Variants in SCFD2 observed in about 807,000 individuals in gnomAD.
SCFD2 encodes sec1 family domain-containing protein 2.
In SCFD2, 54 loss-of-function variants were observed where a neutral mutation model predicts 58.9. That is an observed-to-expected ratio of 0.92 (90% CI 0.74 to 1.15). The LOEUF (loss-of-function observed/expected upper bound fraction) is 1.15, where lower values mean the gene tolerates loss of function less well. Among genes scored for constraint, SCFD2 ranks in the 50% most tolerant of loss-of-function variants. SCFD2 has a pLI of 0.00. For synonymous variants in SCFD2, 321 were observed against 335.9 expected, an observed-to-expected ratio of 0.96 and a Z score of 0.49; for missense variants, 805 against 836.6, an observed-to-expected ratio of 0.96 and a Z score of 0.47.
chr4:52,884,540 C>T (rs776814649), intron 8 of SCFD2, among the ~76,000 whole-genome samples: 10 of 152,128 alleles, frequency 6.6e-5, no homozygotes, highest in Non-Finnish European at 1.2e-4. Context: ...GGCAGTGTGT[C>T]GTTTTGTGGC....
chr4:52,937,164 A>G (rs1720159061), intron 5 of SCFD2, among the ~76,000 whole-genome samples: 1 of 152,232 alleles, frequency 6.6e-6, no homozygotes, highest in Admixed American at 6.5e-5. Flanking sequence ...GGCAAACACT[A>G]CAGATACCTG....
At chr4:53,203,062 C>T (rs6844551) in intron 4 of SCFD2, among the ~76,000 whole-genome samples, 13,019 of 152,090 alleles carry the variant, frequency 0.086, 930 homozygotes, top group African/African-American at 0.18. Context: ...TCCAACACTA[C>T]GTTGAATAGG....
At chr4:53,073,312 T>A (rs1723876963) in intron 5 of SCFD2, among the ~76,000 whole-genome samples, 1 of 152,096 alleles carries the variant, frequency 6.6e-6, no homozygotes, top group South Asian at 2.1e-4. Flanking sequence ...CCATAGAAGG[T>A]CCTGGAACCA....
At position 53,307,808 on chromosome 4, in the gene SCFD2, G is replaced by A. The variant is rs140168424; in HGVS notation, c.1135+5828C>T. Among the ~76,000 whole-genome samples the A allele has an allele frequency of 5.1e-3, 775 of 152,270 alleles. 1 individual carries two copies. Among genetic ancestry groups the A allele is most frequent in the Non-Finnish European group, 8.4e-3 (572 of 68,008 alleles). Reference sequence around the variant, plus strand: ...CAGGTGTTAGAAGAACTGCACACTGGATTCAGCTGCTACCACAGGAAAAAC... The same window carrying A: ...CAGGTGTTAGAAGAACTGCACACTGAATTCAGCTGCTACCACAGGAAAAAC... On this transcript the variant is annotated intron_variant, in intron 3 of 8. Transcript: ENST00000401642.
At chr4:52,919,624 T>C (rs532261085) in intron 6 of SCFD2, among the ~76,000 whole-genome samples, 3 of 152,374 alleles carry the variant, frequency 2.0e-5, no homozygotes, top group African/African-American at 7.2e-5. Flanking sequence ...AGCAAAGATC[T>C]GGCATCTGCC....
intron 5 of SCFD2, among the ~76,000 whole-genome samples, chr4:53,134,635 T>C (rs1725886759): frequency 6.6e-6 from 1 of 152,248 alleles, no homozygotes; most frequent in South Asian, 2.1e-4. Context: ...TTATTTTATG[T>C]CAAAGTTTTG....
intron 5 of SCFD2, among the ~76,000 whole-genome samples, chr4:53,144,577 TG>T (rs1283962307): frequency 2.0e-5 from 3 of 148,898 alleles, no homozygotes; most frequent in African/African-American, 7.3e-5. Flanking sequence ...AAAACACTAC[TG>T]AAAATGGCAA....
chr4:53,101,343 C>T (rs192870632), intron 5 of SCFD2, among the ~76,000 whole-genome samples: 19 of 152,268 alleles, frequency 1.2e-4, no homozygotes, highest in Non-Finnish European at 7.4e-5. Context: ...CAAAGAGCAA[C>T]TCAGAGTTTT....
In SCFD2 at chr4:52,920,845, T is replaced by C. The variant is rs768655062; in HGVS notation, c.1587A>G (p.Thr529=). The C allele has an allele frequency of 6.2e-7, 1 of 1,611,368 alleles. No individual in the cohort carries two copies. The highest frequency in any genetic ancestry group is 1.3e-5 in the African/African-American group (1 of 74,740). ...ITDWDSSINL[T]FHKSKIAVDE... is the part of the protein sequence containing the mutation. Reference sequence around the variant, plus strand: ...CCACGGCAATTTTGGATTTGTGAAATGTCAGATTAATTGAAGAGTCCCAGT... The same window carrying C: ...CCACGGCAATTTTGGATTTGTGAAACGTCAGATTAATTGAAGAGTCCCAGT... Residue 529 remains threonine, a synonymous_variant, in exon 6 of 9, where the codon ACA becomes ACG. Coordinates refer to ENST00000401642, the MANE Select transcript of SCFD2 (RefSeq NM_152540.4).
intron 5 of SCFD2, among the ~76,000 whole-genome samples, chr4:53,042,664 AT>A (rs1327836243): frequency 6.6e-6 from 1 of 151,962 alleles, no homozygotes; most frequent in African/African-American, 2.4e-5. Flanking sequence ...ATCTCTACAT[AT>A]TAGTTTCCTC....
At chr4:53,294,468 T>G (rs953019160) in intron 3 of SCFD2, among the ~76,000 whole-genome samples, 3 of 152,162 alleles carry the variant, frequency 2.0e-5, no homozygotes, top group African/African-American at 4.8e-5. Context: ...TCATATCCTT[T>G]GCCCACTTTT....
At chr4:52,963,956 A>G (rs982825849) in intron 5 of SCFD2, among the ~76,000 whole-genome samples, 1 of 152,222 alleles carries the variant, frequency 6.6e-6, no homozygotes, top group African/African-American at 2.4e-5. Context: ...AAAATTACAC[A>G]TGAGAATGAA....
intron 4 of SCFD2, among the ~76,000 whole-genome samples, chr4:53,217,294 G>A (rs1486864098): frequency 2.0e-5 from 3 of 152,118 alleles, no homozygotes; most frequent in Admixed American, 1.3e-4. Context: ...TCTCTTTGTA[G>A]GTCTCTAAGG....
At chr4:53,270,123 G>C (rs1731115160) in intron 4 of SCFD2, among the ~76,000 whole-genome samples, 1 of 152,176 alleles carries the variant, frequency 6.6e-6, no homozygotes, top group Non-Finnish European at 1.5e-5. Flanking sequence ...GTATGTGTGT[G>C]TGTGCATATG....
intron 5 of SCFD2, among the ~76,000 whole-genome samples, chr4:53,094,063 C>A (rs1162716909): frequency 6.6e-6 from 1 of 152,066 alleles, no homozygotes. Flanking sequence ...AGGTTTAAGA[C>A]CACTTCCAGC....
At chr4:53,044,913 C>CT (rs1442160466) in intron 5 of SCFD2, among the ~76,000 whole-genome samples, 395 of 10,346 alleles carry the variant, frequency 0.038, 8 homozygotes, top group Non-Finnish European at 0.095. Context: ...CCAACCCCCC[C>CT]CCCCCGCCCA....
intron 4 of SCFD2, among the ~76,000 whole-genome samples, chr4:53,242,667 A>T (rs1467649807): frequency 6.6e-6 from 1 of 152,242 alleles, no homozygotes; most frequent in Non-Finnish European, 1.5e-5. Flanking sequence ...TCAGAATATG[A>T]ATAGATATAA....
chr4:52,992,981 A>T (rs1326609679), intron 5 of SCFD2, among the ~76,000 whole-genome samples: 1 of 151,786 alleles, frequency 6.6e-6, no homozygotes, highest in Non-Finnish European at 1.5e-5. Context: ...AAAGATAGAG[A>T]AATCAGATTG....
intron 7 of SCFD2, among the ~76,000 whole-genome samples, chr4:52,900,270 T>C (rs1719152337): frequency 6.6e-6 from 1 of 152,180 alleles, no homozygotes; most frequent in South Asian, 2.1e-4. Context: ...TTTTTCCCCA[T>C]CTTTGTGGTT....
Sources: gnomAD v4.1 joint callset for allele counts (sites outside exome capture counted in the v4.1 genomes callset) on GRCh38, gnomAD v4.1.1 for gene constraint, MANE v1.5 for transcripts, NCBI Gene and HGNC (gene_info 2026-07-23, HGNC 2026-07-21) for gene names.